Variants in MAGI1 observed in about 807,000 individuals in gnomAD.
MAGI1 encodes the protein membrane associated guanylate kinase, WW and PDZ domain containing 1.
Under a neutral mutation model 139.9 loss-of-function variants are expected in MAGI1, and 58 were observed. That is an observed-to-expected ratio of 0.41 (90% CI 0.34 to 0.52). The LOEUF (loss-of-function observed/expected upper bound fraction) is 0.52, where lower values mean the gene tolerates loss of function less well. Ranked by LOEUF, MAGI1 falls within the 20% of genes least tolerant of loss-of-function variation. The pLI is 0.12. For missense variants in MAGI1, 1,874 were observed against 1,901.6 expected (o/e 0.99, Z 0.27); for synonymous variants, 812 against 737.9 (o/e 1.10, Z -1.63).
At chr3:65,367,698 C>T (rs1941567592) in intron 18 of MAGI1, among the ~76,000 whole-genome samples, 1 of 152,140 alleles carries the variant, frequency 6.6e-6, no homozygotes, top group Admixed American at 6.5e-5. Context: ...TCTAAGGTCA[C>T]TCAGGCAGCA....
intron 2 of MAGI1, among the ~76,000 whole-genome samples, chr3:65,567,570 C>T (rs2080727829): frequency 6.6e-6 from 1 of 152,210 alleles, no homozygotes; most frequent in South Asian, 2.1e-4. Flanking sequence ...GGCACAGTGG[C>T]TCACACCAGT....
intron 1 of MAGI1, among the ~76,000 whole-genome samples, chr3:66,013,115 C>G (rs761120715): frequency 3.3e-5 from 5 of 152,152 alleles, no homozygotes; most frequent in Admixed American, 6.6e-5. Flanking sequence ...AGAAGAACTT[C>G]AATTCTGGCT....
intron 1 of MAGI1, among the ~76,000 whole-genome samples, chr3:65,628,905 T>C (rs2084130547): frequency 6.6e-6 from 1 of 152,230 alleles, no homozygotes; most frequent in Non-Finnish European, 1.5e-5. Context: ...ACTTGCCTGT[T>C]CACATTTCTT....
intron 1 of MAGI1, among the ~76,000 whole-genome samples, chr3:65,644,515 C>T (rs987894269): frequency 6.6e-6 from 1 of 151,232 alleles, no homozygotes; most frequent in East Asian, 1.9e-4. Context: ...AAGCAGTGAT[C>T]GTACCACTGC....
At chr3:65,913,807 T>C (rs112929939) in intron 1 of MAGI1, among the ~76,000 whole-genome samples, 1 of 152,134 alleles carries the variant, frequency 6.6e-6, no homozygotes, top group Non-Finnish European at 1.5e-5. Context: ...TCGGAACATA[T>C]CGTATTTTTT....
intron 2 of MAGI1, among the ~76,000 whole-genome samples, chr3:65,621,062 T>C (rs2083642976): frequency 6.6e-6 from 1 of 152,076 alleles, no homozygotes. Context: ...ATCATAGAAA[T>C]AAACACGATA....
chr3:65,600,153 C>T (rs890402301), intron 2 of MAGI1, among the ~76,000 whole-genome samples: 1 of 152,096 alleles, frequency 6.6e-6, no homozygotes, highest in Non-Finnish European at 1.5e-5. Flanking sequence ...TATTAGTTTT[C>T]CACAAGAAAA....
chr3:65,958,894 C>T (rs1304674239), intron 1 of MAGI1, among the ~76,000 whole-genome samples: 5 of 151,692 alleles, frequency 3.3e-5, no homozygotes, highest in African/African-American at 1.2e-4. Context: ...GGTTGAGGCA[C>T]GAGAATCGTT....
chr3:65,386,232 C>T (rs899525537), intron 14 of MAGI1, among the ~76,000 whole-genome samples: 8 of 128,934 alleles, frequency 6.2e-5, no homozygotes, highest in Admixed American at 1.7e-4. Context: ...CTTATCACAC[C>T]GTTTAGGCCA....
chr3:65,833,243 C>T lies in MAGI1; in HGVS notation c.313+204753G>A, dbSNP rs1183262811. ...AAGAGATTCTCCTACCTAAACCTCC[C>T]GAGTAGCTGGGATCACAGGCGTGCA... On this transcript the variant is annotated intron_variant, in intron 1 of 22. Coordinates refer to ENST00000402939, the MANE Select transcript of MAGI1 (RefSeq NM_001033057.2). 2.6e-5 allele frequency among the ~76,000 whole-genome samples: 4 copies of T among 152,018 alleles called. No individual in the cohort carries two copies. The East Asian group carries it at 5.8e-4, about 22-fold the overall frequency.
At chr3:66,000,785 C>T (rs1387549240) in intron 1 of MAGI1, among the ~76,000 whole-genome samples, 1 of 152,200 alleles carries the variant, frequency 6.6e-6, no homozygotes, top group Admixed American at 6.5e-5. Context: ...CAGGCTAAAC[C>T]TTTCATATCA....
At chr3:65,858,880 C>T (rs1162051604) in intron 1 of MAGI1, among the ~76,000 whole-genome samples, 1 of 152,196 alleles carries the variant, frequency 6.6e-6, no homozygotes, top group Admixed American at 6.5e-5. Context: ...CAGTTAATTC[C>T]TCTTCCTTTC....
chr3:65,964,845 C>G (rs971446048), intron 1 of MAGI1, among the ~76,000 whole-genome samples: 1 of 152,144 alleles, frequency 6.6e-6, no homozygotes, highest in Non-Finnish European at 1.5e-5. Context: ...AGGAAGCCAC[C>G]CCCAAGTCCA....
chr3:65,903,212 C>A (rs1029492060), intron 1 of MAGI1, among the ~76,000 whole-genome samples: 9 of 152,108 alleles, frequency 5.9e-5, no homozygotes, highest in Non-Finnish European at 1.3e-4. Context: ...CAGGCTGGTT[C>A]TGAACTCCTG....
At chr3:65,564,921 G>A (rs1476853740) in intron 2 of MAGI1, among the ~76,000 whole-genome samples, 3 of 152,212 alleles carry the variant, frequency 2.0e-5, no homozygotes, top group African/African-American at 7.2e-5. Flanking sequence ...ACAACTTAGA[G>A]ATGAGCCAGT....
intron 2 of MAGI1, among the ~76,000 whole-genome samples, chr3:65,518,267 G>A (rs1036493624): frequency 2.6e-5 from 4 of 151,952 alleles, no homozygotes; most frequent in Non-Finnish European, 5.9e-5. Flanking sequence ...AGTCTACCAC[G>A]GCACATTTTA....
intron 1 of MAGI1, among the ~76,000 whole-genome samples, chr3:65,882,769 C>T (rs552664150): frequency 5.9e-5 from 9 of 151,694 alleles, no homozygotes; most frequent in Non-Finnish European, 1.0e-4. Flanking sequence ...CCCATCTCTA[C>T]AGAATATCAG....
intron 1 of MAGI1, among the ~76,000 whole-genome samples, chr3:65,701,416 C>A (rs530744600): frequency 6.6e-6 from 1 of 152,124 alleles, no homozygotes; most frequent in African/African-American, 2.4e-5. Context: ...CCACACCCAG[C>A]TAATTTTTGT....
chr3:65,397,036 G>T (rs536103677), intron 13 of MAGI1, among the ~76,000 whole-genome samples: 2 of 152,324 alleles, frequency 1.3e-5, no homozygotes, highest in South Asian at 4.1e-4. Context: ...AGGCAGAGAA[G>T]GGGAGTTGCC....
Sources: gnomAD v4.1 joint callset for allele counts (sites outside exome capture counted in the v4.1 genomes callset) on GRCh38, gnomAD v4.1.1 for gene constraint, MANE v1.5 for transcripts, NCBI Gene and HGNC (gene_info 2026-07-23, HGNC 2026-07-21) for gene names.